IGF2BP3: variants seen among roughly 807,000 people sequenced by gnomAD.
The protein encoded by IGF2BP3 is insulin-like growth factor 2 mRNA-binding protein 3.
IGF2BP3 carries 9 observed loss-of-function variants against 73.8 expected under a neutral mutation model. That is an observed-to-expected ratio of 0.12 (90% CI 0.07 to 0.21). The LOEUF is 0.21. Ranked by LOEUF, IGF2BP3 falls within the 10% of genes least tolerant of loss-of-function variation. IGF2BP3 has a pLI of 1.00. For missense variants in IGF2BP3, 542 were observed against 714.0 expected, an observed-to-expected ratio of 0.76 and a Z score of 2.75; for synonymous variants, 258 against 256.7, an observed-to-expected ratio of 1.01 and a Z score of -0.05.
At chr7:23,372,666 A>G (rs1010819891) in intron 3 of IGF2BP3, among the ~76,000 whole-genome samples, 1 of 152,134 alleles carries the variant, frequency 6.6e-6, no homozygotes. Flanking sequence ...ACACCCTACT[A>G]TAAACTCTAA....
intron 3 of IGF2BP3, among the ~76,000 whole-genome samples, chr7:23,381,651 C>T (rs1399325291): frequency 6.6e-6 from 1 of 152,050 alleles, no homozygotes; most frequent in Non-Finnish European, 1.5e-5. Flanking sequence ...TCACTGCAAC[C>T]TCCACCTCCC....
chr7:23,438,844 C>T (rs557878365), intron 2 of IGF2BP3, among the ~76,000 whole-genome samples: 1 of 152,212 alleles, frequency 6.6e-6, no homozygotes, highest in East Asian at 1.9e-4. Flanking sequence ...GTAAAATCTA[C>T]TTAATAAACT....
At chr7:23,362,313 C>G (rs1299403153) in intron 3 of IGF2BP3, among the ~76,000 whole-genome samples, 1 of 151,930 alleles carries the variant, frequency 6.6e-6, no homozygotes, top group African/African-American at 2.4e-5. Context: ...ATGTTCTTTT[C>G]CAAAGGACTT....
At chr7:23,441,442 G>A (rs1397889520) in intron 2 of IGF2BP3, among the ~76,000 whole-genome samples, 1 of 151,800 alleles carries the variant, frequency 6.6e-6, no homozygotes, top group Non-Finnish European at 1.5e-5. Context: ...GCTTGGTGGT[G>A]CACGCCTGTA....
intron 3 of IGF2BP3, among the ~76,000 whole-genome samples, chr7:23,379,264 C>T (rs1395906884): frequency 6.6e-6 from 1 of 152,188 alleles, no homozygotes; most frequent in African/African-American, 2.4e-5. Context: ...GTTGCTCTGT[C>T]TCAGCTAGTG....
At chr7:23,399,116 C>T (rs1194099327) in intron 3 of IGF2BP3, among the ~76,000 whole-genome samples, 3 of 152,242 alleles carry the variant, frequency 2.0e-5, no homozygotes, top group East Asian at 3.9e-4. Context: ...CCAGTTTCAG[C>T]TTTCTACATA....
intron 3 of IGF2BP3, among the ~76,000 whole-genome samples, chr7:23,413,058 C>A (rs566257907): frequency 1.5e-4 from 22 of 151,008 alleles, no homozygotes; most frequent in Admixed American, 1.4e-3. Flanking sequence ...TGGGGTTTCT[C>A]CATGTTGGCC....
intron 3 of IGF2BP3, among the ~76,000 whole-genome samples, chr7:23,390,253 A>G (rs1156518448): frequency 6.6e-6 from 1 of 152,226 alleles, no homozygotes. Context: ...GCATAGAAGT[A>G]TGAAAGGTAA....
chr7:23,345,631 C>T (rs896837006), intron 8 of IGF2BP3, among the ~76,000 whole-genome samples: 3 of 152,174 alleles, frequency 2.0e-5, no homozygotes, highest in East Asian at 1.9e-4. Flanking sequence ...TGGGATAATG[C>T]GTTACACGAC....
At chr7:23,392,446 A>G (rs973914615) in intron 3 of IGF2BP3, among the ~76,000 whole-genome samples, 2 of 149,566 alleles carry the variant, frequency 1.3e-5, no homozygotes, top group Non-Finnish European at 3.0e-5. Context: ...ATATATATAT[A>G]TATATACACA....
intron 2 of IGF2BP3, among the ~76,000 whole-genome samples, chr7:23,451,770 G>A (rs1487978813): frequency 2.0e-5 from 3 of 151,680 alleles, no homozygotes; most frequent in East Asian, 2.0e-4. Context: ...CCAACGTAGT[G>A]AAACCCTGTC....
chr7:23,374,223 A>T (rs1785648269), intron 3 of IGF2BP3, among the ~76,000 whole-genome samples: 1 of 152,198 alleles, frequency 6.6e-6, no homozygotes, highest in Admixed American at 6.5e-5. Flanking sequence ...AGGTGAAAGC[A>T]ACCCAAGCAT....
Position 23,397,234 on chromosome 7 carries a change from T to C in IGF2BP3, c.285+21542A>G, listed in dbSNP as rs11983373. Among the ~76,000 whole-genome samples the C allele has an allele frequency of 4.5e-3, 690 of 152,362 alleles. 10 individuals are homozygous for C. The highest frequency in any genetic ancestry group is 0.015 in the African/African-American group (639 of 41,582). On this transcript the variant is annotated intron_variant, in intron 3 of 14. Transcript: ENST00000258729. ...ACTTGGATAAGACATCAAAGTTGTC[T>C]TGTGCAGCAAATTCTCCTCCGGCAC...
chr7:23,441,574 TAAAAAAAAAAAAAAAAA>T (rs769391858), intron 2 of IGF2BP3, among the ~76,000 whole-genome samples: 8 of 56,958 alleles, frequency 1.4e-4, no homozygotes, highest in African/African-American at 4.9e-4. Flanking sequence ...CTCCATCTCT[TAAAAAAAAAAAAAAAAA>T]AAAAAAAAAA....
intron 2 of IGF2BP3, among the ~76,000 whole-genome samples, chr7:23,452,553 T>C (rs573463232): frequency 6.6e-6 from 1 of 152,128 alleles, no homozygotes; most frequent in East Asian, 1.9e-4. Flanking sequence ...CCTGTAATCC[T>C]AACACTTTGG....
chr7:23,327,453 T>C (rs1784333523), intron 10 of IGF2BP3, among the ~76,000 whole-genome samples: 1 of 151,884 alleles, frequency 6.6e-6, no homozygotes, highest in Admixed American at 6.6e-5. Flanking sequence ...GCTAATTTTT[T>C]TGTATTTTTA....
intron 3 of IGF2BP3, among the ~76,000 whole-genome samples, chr7:23,387,391 T>C (rs898337838): frequency 9.9e-5 from 15 of 152,078 alleles, no homozygotes; most frequent in African/African-American, 3.6e-4. Context: ...GACAATGAAA[T>C]AGTGTCCCAG....
chr7:23,316,622 C>T (rs1281020431), intron 12 of IGF2BP3, among the ~76,000 whole-genome samples: 2 of 141,862 alleles, frequency 1.4e-5, no homozygotes, highest in African/African-American at 5.3e-5. Context: ...TTGCAGTGAG[C>T]TGAGATCACG....
chr7:23,337,810 C>CA (rs1411240922), intron 10 of IGF2BP3, among the ~76,000 whole-genome samples: 1 of 152,224 alleles, frequency 6.6e-6, no homozygotes, highest in Admixed American at 6.5e-5. Flanking sequence ...GCTGGGACTA[C>CA]AGGTGTCTGT....
Sources: gnomAD v4.1 joint callset for allele counts (sites outside exome capture counted in the v4.1 genomes callset) on GRCh38, gnomAD v4.1.1 for gene constraint, MANE v1.5 for transcripts, NCBI Gene and HGNC (gene_info 2026-07-23, HGNC 2026-07-21) for gene names.